Variants in CCDC12 observed in about 807,000 individuals in gnomAD.
The protein encoded by CCDC12 is coiled-coil domain-containing protein 12.
CCDC12 carries 28 observed loss-of-function variants against 25.7 expected under a neutral mutation model. The observed-to-expected ratio is 1.09, with a 90% CI of 0.81 to 1.50. The LOEUF (loss-of-function observed/expected upper bound fraction) is 1.50. Ranked by LOEUF, CCDC12 falls within the 40% of genes most tolerant of loss-of-function variation. CCDC12 has a pLI of 0.00. For synonymous variants in CCDC12, 75 were observed against 87.7 expected (o/e 0.86, Z 0.81); for missense variants, 198 against 210.0 (o/e 0.94, Z 0.35).
intron 1 of CCDC12, among the ~76,000 whole-genome samples, chr3:46,953,595 G>A (rs962502170): frequency 6.6e-6 from 1 of 151,252 alleles, no homozygotes; most frequent in Non-Finnish European, 1.5e-5. Flanking sequence ...ACCATGGCTG[G>A]CACTCAGGCC....
At chr3:46,981,310 GGT>G (rs2035317253), upstream of CCDC12, among the ~76,000 whole-genome samples, 1 of 151,966 alleles carries the variant, frequency 6.6e-6, no homozygotes, top group Non-Finnish European at 1.5e-5. Flanking sequence ...GGCGTGGTGG[GGT>G]GTGCCTGTAA....
upstream of CCDC12, chr3:46,976,753 C>G (rs777140774): frequency 6.3e-7 from 1 of 1,592,820 alleles, no homozygotes. Context: ...TACGCCCCTC[C>G]TTTTCTCCCG....
intron 1 of CCDC12, among the ~76,000 whole-genome samples, chr3:46,968,704 C>T (rs942077400): frequency 6.6e-6 from 1 of 152,172 alleles, no homozygotes; most frequent in African/African-American, 2.4e-5. Context: ...AGCCTGGTTA[C>T]AGTTTATATG....
chr3:46,963,074 GAA>G (rs1437712097), intron 1 of CCDC12, among the ~76,000 whole-genome samples: 1 of 152,202 alleles, frequency 6.6e-6, no homozygotes, highest in Non-Finnish European at 1.5e-5. Flanking sequence ...GCCAGATACA[GAA>G]AACTACATAC....
chr3:46,933,137 C>T (rs1425594766), intron 2 of CCDC12, among the ~76,000 whole-genome samples: 2 of 152,206 alleles, frequency 1.3e-5, no homozygotes, highest in Non-Finnish European at 2.9e-5. Context: ...AGGAAAAACT[C>T]CTGCAGCCTA....
chr3:46,953,002 A>G (rs909613719), intron 1 of CCDC12, among the ~76,000 whole-genome samples: 4 of 152,226 alleles, frequency 2.6e-5, no homozygotes, highest in Admixed American at 1.3e-4. Flanking sequence ...AATGGTTTCA[A>G]GTGTGTCTAG....
At chr3:46,942,277 T>C (rs959872612) in intron 1 of CCDC12, among the ~76,000 whole-genome samples, 1 of 152,258 alleles carries the variant, frequency 6.6e-6, no homozygotes, top group Non-Finnish European at 1.5e-5. Context: ...GGGCATGGAC[T>C]GAGAGGCCCC....
rs2033841376 is a variant in CCDC12, at chr3:46,944,760, C to T, written c.97-3695G>A. Among the ~76,000 whole-genome samples, 3 of 152,086 alleles carry T rather than the reference C, an allele frequency of 2.0e-5. No individual in the cohort carries two copies. In the South Asian group the frequency reaches 6.2e-4, roughly 32 times the overall value. On this transcript the variant is annotated intron_variant, in intron 1 of 6. Coordinates refer to ENST00000683445, the MANE Select transcript of CCDC12 (RefSeq NM_001277074.2). Reference sequence around the variant, plus strand: ...CCCTCTCTTTCTCCAACCTGTCTCCCCTAAGTCTCTCTTCAACTTATCAAT... The same window carrying T: ...CCCTCTCTTTCTCCAACCTGTCTCCTCTAAGTCTCTCTTCAACTTATCAAT...
chr3:46,928,417 G>T (rs1233886095), intron 2 of CCDC12, among the ~76,000 whole-genome samples: 1 of 152,212 alleles, frequency 6.6e-6, no homozygotes, highest in Non-Finnish European at 1.5e-5. Flanking sequence ...GAAAAGCTGA[G>T]AGACTGAGCA....
At chr3:46,954,044 C>A (rs1233513631) in intron 1 of CCDC12, among the ~76,000 whole-genome samples, 1 of 152,196 alleles carries the variant, frequency 6.6e-6, no homozygotes. Flanking sequence ...GATTGGAAGA[C>A]CCCTCCCCTG....
chr3:46,975,051 G>A (rs946525910), intron 1 of CCDC12, among the ~76,000 whole-genome samples: 3 of 152,114 alleles, frequency 2.0e-5, no homozygotes, highest in African/African-American at 4.8e-5. Context: ...CCATTACGTT[G>A]GAAAGATGAA....
chr3:46,931,672 G>A (rs1039593727), intron 2 of CCDC12, among the ~76,000 whole-genome samples: 3 of 152,184 alleles, frequency 2.0e-5, no homozygotes, highest in Admixed American at 2.0e-4. Flanking sequence ...CTGAGAACAA[G>A]GTCCTCCACC....
intron 1 of CCDC12, among the ~76,000 whole-genome samples, chr3:46,956,833 C>A (rs77757496): frequency 0.068 from 10,411 of 152,004 alleles, 1,206 homozygotes; most frequent in African/African-American, 0.23. Flanking sequence ...CCCACCCCCC[C>A]AAAATAAAAA....
At chr3:46,969,748 C>A (rs1469682074) in intron 1 of CCDC12, among the ~76,000 whole-genome samples, 2 of 152,178 alleles carry the variant, frequency 1.3e-5, no homozygotes, top group African/African-American at 4.8e-5. Flanking sequence ...TAGCGCTCAA[C>A]AACTGGAGCT....
intron 1 of CCDC12, among the ~76,000 whole-genome samples, chr3:46,967,058 C>T (rs1184148078): frequency 6.6e-6 from 1 of 152,144 alleles, no homozygotes; most frequent in Admixed American, 6.5e-5. Flanking sequence ...CTCGTCTAGC[C>T]CCAGGGCTTG....
chr3:46,973,516 T>C (rs1201311784), intron 1 of CCDC12, among the ~76,000 whole-genome samples: 1 of 150,974 alleles, frequency 6.6e-6, no homozygotes, highest in East Asian at 1.9e-4. Context: ...AAACAAGAAT[T>C]ACCATATGAT....
At chr3:46,928,655 T>C (rs2033077757) in intron 2 of CCDC12, among the ~76,000 whole-genome samples, 1 of 152,180 alleles carries the variant, frequency 6.6e-6, no homozygotes, top group African/African-American at 2.4e-5. Flanking sequence ...AAAATAAATG[T>C]CACACAAAAT....
intron 1 of CCDC12, among the ~76,000 whole-genome samples, chr3:46,970,590 C>A (rs920360737): frequency 6.6e-6 from 1 of 152,250 alleles, no homozygotes; most frequent in Non-Finnish European, 1.5e-5. Flanking sequence ...TTGCCTGGAA[C>A]CTGCAACTTG....
chr3:46,940,145 G>C (rs754278657), intron 2 of CCDC12, among the ~76,000 whole-genome samples: 2 of 152,238 alleles, frequency 1.3e-5, no homozygotes, highest in Non-Finnish European at 2.9e-5. Context: ...GTGGTAGTCA[G>C]ACACTCTGCT....
Sources: allele counts gnomAD v4.1 joint callset (sites outside exome capture counted in the v4.1 genomes callset), GRCh38; gene constraint gnomAD v4.1.1; transcripts MANE v1.5; gene names NCBI Gene and HGNC (gene_info 2026-07-23, HGNC 2026-07-21).